ADGRL3: variants seen among roughly 807,000 people sequenced by gnomAD.
ADGRL3 encodes the protein calcium-independent alpha-latrotoxin receptor 3.
A neutral mutation model predicts 153.5 loss-of-function variants in ADGRL3; 62 were observed. That is an observed-to-expected ratio of 0.40 (90% CI 0.33 to 0.50). ADGRL3 has a LOEUF of 0.50. ADGRL3 is among the 20% of genes least tolerant of loss of function. The probability of loss-of-function intolerance (pLI) is 0.47; values close to 1 mark genes in which losing one functional copy is unlikely to be tolerated. For missense variants in ADGRL3, 1,641 were observed against 1,859.4 expected (o/e 0.88, Z 2.16); for synonymous variants, 710 against 672.5 (o/e 1.06, Z -0.86).
chr4:61,445,857 A>G (rs1364118847), intron 2 of ADGRL3, among the ~76,000 whole-genome samples: 7 of 152,200 alleles, frequency 4.6e-5, no homozygotes, highest in African/African-American at 1.7e-4. Context: ...TTGCCTAGTG[A>G]CATCGTGATG....
At chr4:61,342,563 C>A (rs1054089682) in intron 1 of ADGRL3, among the ~76,000 whole-genome samples, 1 of 151,992 alleles carries the variant, frequency 6.6e-6, no homozygotes, top group African/African-American at 2.4e-5. Context: ...ATGCCATTAC[C>A]TCTTTCATAT....
Position 61,285,286 on chromosome 4 carries a change from A to T in ADGRL3, c.-240+83521A>T, listed in dbSNP as rs146566352. On this transcript the variant is annotated intron_variant, in intron 1 of 26. Coordinates refer to ENST00000683033, the MANE Select transcript of ADGRL3 (RefSeq NM_001387552.1). Reference sequence around the variant, plus strand: ...TACTGCATAAAATTATCAAATATTTATTGACAAATGGGAGGGCAGATATAT... The same window carrying T: ...TACTGCATAAAATTATCAAATATTTTTTGACAAATGGGAGGGCAGATATAT... Among the ~76,000 whole-genome samples the T allele has an allele frequency of 1.6e-4, 24 of 152,002 alleles. No individual in the cohort carries two copies. The East Asian group carries it at 3.7e-3, about 23-fold the overall frequency.
intron 2 of ADGRL3, among the ~76,000 whole-genome samples, chr4:61,400,624 G>A (rs919569248): frequency 1.3e-5 from 2 of 151,782 alleles, no homozygotes; most frequent in African/African-American, 4.8e-5. Context: ...ATTGGTGGTA[G>A]TGGAAATGGG....
At chr4:61,605,529 A>G (rs1048506856) in intron 5 of ADGRL3, among the ~76,000 whole-genome samples, 1 of 152,184 alleles carries the variant, frequency 6.6e-6, no homozygotes, top group African/African-American at 2.4e-5. Context: ...GCAAGAATAT[A>G]CACTCTAATT....
chr4:61,859,542 A>C (rs144902586), intron 9 of ADGRL3, among the ~76,000 whole-genome samples: 1 of 152,198 alleles, frequency 6.6e-6, no homozygotes, highest in African/African-American at 2.4e-5. Flanking sequence ...TAGTGAACCA[A>C]ACTTCACATT....
At chr4:61,610,138 G>GATAT (rs34171023) in intron 5 of ADGRL3, among the ~76,000 whole-genome samples, 43,637 of 146,572 alleles carry the variant, frequency 0.3, 7,122 homozygotes, top group East Asian at 0.59. Flanking sequence ...AGGGAAGTGA[G>GATAT]ATATATATAT....
intron 6 of ADGRL3, among the ~76,000 whole-genome samples, chr4:61,703,708 G>A (rs961548236): frequency 2.6e-5 from 4 of 152,062 alleles, no homozygotes; most frequent in African/African-American, 7.2e-5. Context: ...TAGTGACAGA[G>A]GGGGGCAGAT....
At chr4:61,374,882 A>G (rs531177624) in intron 1 of ADGRL3, among the ~76,000 whole-genome samples, 3 of 151,976 alleles carry the variant, frequency 2.0e-5, no homozygotes, top group South Asian at 4.2e-4. Context: ...ATTTTTTTTT[A>G]ATGACCAGAG....
At position 61,947,058 on chromosome 4, in the gene ADGRL3, A is replaced by T; in HGVS notation, c.2564A>T (p.Asn855Ile). Residue 855 changes from asparagine to isoleucine, a missense_variant, in exon 16 of 27, where the codon AAC (asparagine) becomes ATC (isoleucine). Around this residue, in one of 5 missense-constraint regions of ADGRL3, gnomAD observed 734 missense variants for 797.0 expected, o/e 0.92. Coordinates refer to ENST00000683033, the MANE Select transcript of ADGRL3 (RefSeq NM_001387552.1). The part of the protein sequence containing the change: ...VNSPVITAAI[N>I]KEFSNKVYLA... ...TCCCCTGTTATTACGGCAGCAATAA[A>T]CAAAGAGTTCAGTAACAAGGTTTAT... 1 of 1,613,896 alleles carries T rather than the reference A, an allele frequency of 6.2e-7. No homozygotes were observed. The highest frequency in any genetic ancestry group is 1.7e-5 in the Admixed American group (1 of 60,026).
intron 4 of ADGRL3, among the ~76,000 whole-genome samples, chr4:61,574,111 A>T (rs532448975): frequency 2.6e-5 from 4 of 152,022 alleles, no homozygotes; most frequent in Non-Finnish European, 5.9e-5. Flanking sequence ...ACACCTATCC[A>T]GTCACCATGA....
chr4:61,963,292 A>G (rs2098994842), intron 17 of ADGRL3, among the ~76,000 whole-genome samples: 2 of 151,202 alleles, frequency 1.3e-5, no homozygotes, highest in Admixed American at 1.3e-4. Context: ...TTCAGGGGAT[A>G]CATGTGCAGG....
chr4:61,526,619 G>T (rs927871542), intron 4 of ADGRL3, among the ~76,000 whole-genome samples: 2 of 151,230 alleles, frequency 1.3e-5, no homozygotes, highest in African/African-American at 2.4e-5. Context: ...CTTTATAAAA[G>T]AAAAAAAATA....
chr4:61,618,615 C>T (rs1056430819), intron 5 of ADGRL3, among the ~76,000 whole-genome samples: 1 of 152,162 alleles, frequency 6.6e-6, no homozygotes, highest in African/African-American at 2.4e-5. Context: ...CTCTGATTCA[C>T]TAACATAACA....
At chr4:61,570,890 A>G (rs941433848) in intron 4 of ADGRL3, among the ~76,000 whole-genome samples, 10 of 152,162 alleles carry the variant, frequency 6.6e-5, no homozygotes, top group African/African-American at 2.4e-4. Context: ...TTCTGAATAA[A>G]TGCATGTTTT....
chr4:61,447,128 T>C (rs1250651342), intron 2 of ADGRL3, among the ~76,000 whole-genome samples: 2 of 152,132 alleles, frequency 1.3e-5, no homozygotes, highest in African/African-American at 4.8e-5. Flanking sequence ...TAACTGCCTG[T>C]TTTCTAATCT....
intron 2 of ADGRL3, among the ~76,000 whole-genome samples, chr4:61,418,346 C>A (rs974490975): frequency 6.6e-6 from 1 of 152,164 alleles, no homozygotes; most frequent in African/African-American, 2.4e-5. Flanking sequence ...TGGGTAATCA[C>A]CTAGTGGTCT....
At chr4:61,813,779 T>A in intron 8 of ADGRL3, 30 bp from the exon 9 acceptor site, 3 of 1,606,064 alleles carry the variant, frequency 1.9e-6, no homozygotes, top group Non-Finnish European at 2.6e-6. Flanking sequence ...ACGTATGATG[T>A]CTTCTTAACA....
chr4:61,308,878 G>C (rs567724552), intron 1 of ADGRL3, among the ~76,000 whole-genome samples: 1 of 151,972 alleles, frequency 6.6e-6, no homozygotes, highest in Admixed American at 6.6e-5. Flanking sequence ...CTAGTGATAG[G>C]GTTTTACAGT....
At chr4:61,560,402 A>G (rs531200384) in intron 4 of ADGRL3, among the ~76,000 whole-genome samples, 1 of 152,250 alleles carries the variant, frequency 6.6e-6, no homozygotes, top group East Asian at 1.9e-4. Context: ...AAAGAATGGT[A>G]ATCTGAGTAT....
Sources: gnomAD v4.1 joint callset for allele counts (sites outside exome capture counted in the v4.1 genomes callset) on GRCh38, gnomAD v4.1.1 for gene constraint, gnomAD v4.1.1 regional missense constraint, MANE v1.5 for transcripts, NCBI Gene and HGNC (gene_info 2026-07-23, HGNC 2026-07-21) for gene names.